Variants in NSUN3 observed in about 807,000 individuals in gnomAD.
NSUN3 encodes tRNA (cytosine(34)-C(5))-methyltransferase, mitochondrial.
Under a neutral mutation model 36.8 loss-of-function variants are expected in NSUN3, and 24 were observed. That is an observed-to-expected ratio of 0.65 (90% CI 0.47 to 0.92). The LOEUF (loss-of-function observed/expected upper bound fraction) is 0.92, where lower values mean the gene tolerates loss of function less well. Among genes scored for constraint, NSUN3 ranks in the 40% least tolerant of loss-of-function variants. The pLI, the probability that NSUN3 is intolerant of heterozygous loss-of-function variation, is 0.00. For missense variants in NSUN3, 381 were observed against 392.8 expected (o/e 0.97, Z 0.25); for synonymous variants, 146 against 145.2 (o/e 1.01, Z -0.04).
chr3:94,123,081 A>G (rs1400826504), intron 5 of NSUN3, among the ~76,000 whole-genome samples: 1 of 152,086 alleles, frequency 6.6e-6, no homozygotes, highest in Admixed American at 6.6e-5. Context: ...TTCCCTCCCA[A>G]TTATGTATAC....
At chr3:94,115,661 G>A (rs1432416319) in intron 5 of NSUN3, among the ~76,000 whole-genome samples, 1 of 152,140 alleles carries the variant, frequency 6.6e-6, no homozygotes, top group Non-Finnish European at 1.5e-5. Flanking sequence ...TCTCGTTTCG[G>A]TCAAAAGATG....
intron 3 of NSUN3, among the ~76,000 whole-genome samples, chr3:94,086,780 G>A (rs568139146): frequency 3.3e-5 from 5 of 152,256 alleles, no homozygotes; most frequent in African/African-American, 1.2e-4. Context: ...TATAATTTGA[G>A]CTGAAGTTTT....
At chr3:94,071,801 C>T (rs1002435710) in intron 2 of NSUN3, among the ~76,000 whole-genome samples, 3 of 152,186 alleles carry the variant, frequency 2.0e-5, no homozygotes, top group Non-Finnish European at 4.4e-5. Context: ...CACCTGGCCG[C>T]TGTTTTCTAG....
chr3:94,080,592 C>G (rs1402373594), intron 2 of NSUN3, among the ~76,000 whole-genome samples: 1 of 152,070 alleles, frequency 6.6e-6, no homozygotes, highest in Non-Finnish European at 1.5e-5. Context: ...GCCTTTTTTT[C>G]AGAGATGCCC....
At chr3:94,093,953 C>CTA (rs2077326797) in intron 3 of NSUN3, among the ~76,000 whole-genome samples, 187 bp from the exon 4 acceptor site, 6 of 152,088 alleles carry the variant, frequency 3.9e-5, no homozygotes. Context: ...GTATGTGCAT[C>CTA]TATATATACA....
At chr3:94,065,038 A>G (rs1435237541) in intron 2 of NSUN3, among the ~76,000 whole-genome samples, 1 of 142,580 alleles carries the variant, frequency 7.0e-6, no homozygotes, top group Non-Finnish European at 1.5e-5. Flanking sequence ...TTATTTAAAT[A>G]TAAAAATAAG....
chr3:94,091,805 A>G (rs1407720983), intron 3 of NSUN3, among the ~76,000 whole-genome samples: 4 of 152,212 alleles, frequency 2.6e-5, no homozygotes, highest in East Asian at 1.9e-4. Context: ...GTGGTGAACA[A>G]TGGCAGGGGT....
chr3:94,106,608 T>G (rs1000990574), intron 5 of NSUN3, among the ~76,000 whole-genome samples: 1 of 152,222 alleles, frequency 6.6e-6, no homozygotes, highest in Admixed American at 6.5e-5. Flanking sequence ...AGATTGTACA[T>G]GAGCTTCAAC....
intron 5 of NSUN3, among the ~76,000 whole-genome samples, chr3:94,118,903 T>C (rs1019960741): frequency 1.5e-4 from 23 of 152,158 alleles, no homozygotes; most frequent in African/African-American, 5.5e-4. Flanking sequence ...AATTTCTTAG[T>C]GGGCTTGTTA....
chr3:94,094,128 C>T lies in NSUN3; in HGVS notation c.467-12C>T. Reference sequence around the variant, plus strand: ...TGCCTTCATTTGAAACTTTTTAATCCTTTTTATTTAGGTTATCTTCATTGT... The same window carrying T: ...TGCCTTCATTTGAAACTTTTTAATCTTTTTTATTTAGGTTATCTTCATTGT... On this transcript the variant is annotated splice_polypyrimidine_tract_variant and intron_variant, in intron 3 of 5. Coordinates refer to ENST00000314622, the MANE Select transcript of NSUN3 (RefSeq NM_022072.5). 1 of 1,553,310 alleles carries T rather than the reference C, an allele frequency of 6.4e-7. No individual in the cohort carries two copies. Among genetic ancestry groups the T allele is most frequent in the Non-Finnish European group, 8.7e-7 (1 of 1,153,714 alleles).
intron 2 of NSUN3, among the ~76,000 whole-genome samples, chr3:94,070,187 A>G (rs955545923): frequency 2.0e-5 from 3 of 152,218 alleles, no homozygotes; most frequent in Non-Finnish European, 4.4e-5. Context: ...TCACACCTGT[A>G]ATTCCAGCAC....
intron 5 of NSUN3, among the ~76,000 whole-genome samples, chr3:94,124,148 CTTTTT>C (rs58987431): frequency 1.1e-5 from 1 of 88,186 alleles, no homozygotes; most frequent in Admixed American, 1.5e-4. Context: ...TATTTTATTT[CTTTTT>C]TTTTTTTTTT....
chr3:94,090,255 C>T (rs567642256), intron 3 of NSUN3, among the ~76,000 whole-genome samples: 1 of 151,968 alleles, frequency 6.6e-6, no homozygotes, highest in Non-Finnish European at 1.5e-5. Context: ...AAAATTGTCT[C>T]AATGTAGTAA....
chr3:94,122,372 T>G (rs74747745), intron 5 of NSUN3, among the ~76,000 whole-genome samples: 1 of 152,140 alleles, frequency 6.6e-6, no homozygotes. Context: ...CTAATGATTT[T>G]GGTTCCTAAT....
intron 1 of NSUN3, 57 bp from the exon 2 acceptor site, chr3:94,064,380 A>C: frequency 9.9e-7 from 1 of 1,013,434 alleles, no homozygotes; most frequent in Admixed American, 1.8e-5. Flanking sequence ...GCTAATGTTG[A>C]CGTTCAGTAA....
intron 3 of NSUN3, chr3:94,084,690 C>T: frequency 2.4e-6 from 1 of 410,976 alleles, no homozygotes; most frequent in Non-Finnish European, 4.3e-6. Context: ...TTCGCAAATA[C>T]AAATCTGTCA....
rs550976455 is a variant in NSUN3 at position 94,105,471 on chromosome 3, G to C, written c.743+10317G>C. 2.0e-5 allele frequency among the ~76,000 whole-genome samples: 3 copies of C among 152,120 alleles called. No individual in the cohort carries two copies. The East Asian group carries it at 5.8e-4, about 29-fold the overall frequency. On this transcript the variant is annotated intron_variant, in intron 5 of 5. Transcript: ENST00000314622. ...TTTGTAGGCTTTTATTTCTTTTTTA[G>C]TCTGGCTACTGCAGGAGTCAAATGA... is the stretch of plus-strand genomic sequence containing the variant.
chr3:94,074,496 G>A (rs1266887365), intron 2 of NSUN3, among the ~76,000 whole-genome samples: 1 of 152,124 alleles, frequency 6.6e-6, no homozygotes, highest in African/African-American at 2.4e-5. Flanking sequence ...GTGGTTTGTA[G>A]TTCTCCTTGA....
intron 2 of NSUN3, chr3:94,076,889 G>A (rs1324693316): frequency 7.0e-7 from 1 of 1,438,420 alleles, no homozygotes; most frequent in Non-Finnish European, 9.8e-7. Flanking sequence ...GTAGTGTGAT[G>A]CATCAAAATG....
Sources: allele counts gnomAD v4.1 joint callset (sites outside exome capture counted in the v4.1 genomes callset), GRCh38; gene constraint gnomAD v4.1.1; transcripts MANE v1.5; gene names NCBI Gene and HGNC (gene_info 2026-07-23, HGNC 2026-07-21).